ATP8A2: variants seen among roughly 807,000 people sequenced by gnomAD.
ATP8A2 encodes the protein ATPase phospholipid transporting 8A2.
In ATP8A2, 100 loss-of-function variants were observed where a neutral mutation model predicts 165.6. The observed-to-expected ratio is 0.60, with a 90% CI of 0.51 to 0.71. The LOEUF (loss-of-function observed/expected upper bound fraction) is 0.71, where lower values mean the gene tolerates loss of function less well. Ranked by LOEUF, ATP8A2 falls within the 30% of genes least tolerant of loss-of-function variation. The pLI is 0.00. For synonymous variants in ATP8A2, 543 were observed against 548.8 expected, an observed-to-expected ratio of 0.99 and a Z score of 0.15; for missense variants, 1,227 against 1,479.5, an observed-to-expected ratio of 0.83 and a Z score of 2.80.
chr13:25,505,471 C>T (rs1390550405), intron 2 of ATP8A2, among the ~76,000 whole-genome samples: 1 of 152,188 alleles, frequency 6.6e-6, no homozygotes, highest in African/African-American at 2.4e-5. Flanking sequence ...GTCACCTTCA[C>T]ACGTATAATT....
intron 27 of ATP8A2, among the ~76,000 whole-genome samples, chr13:25,799,656 G>A (rs182030659): frequency 1.3e-5 from 2 of 152,262 alleles, no homozygotes; most frequent in East Asian, 3.9e-4. Context: ...CCTTGCCTCC[G>A]TCCCTGAGTG....
rs1051545784 is a variant in ATP8A2, at chr13:26,022,830, C to T, written c.*2845C>T. On this transcript the variant is annotated 3_prime_UTR_variant, in exon 37 of 37. Transcript: ENST00000381655. The stretch of plus-strand genomic sequence containing the variant: ...TCACTCCGCCAGACACTCACTGACT[C>T]ACGGGCTGGCAGGTCACGCTCGGTT... The T allele has an allele frequency of 6.6e-6, 1 of 152,344 alleles. No individual in the cohort carries two copies. The highest frequency in any genetic ancestry group is 1.5e-5 in the Non-Finnish European group (1 of 68,116). 9.4% of individuals were successfully genotyped at this position (152,344 alleles called of 1,614,324 possible).
At position 25,543,276 on chromosome 13, in the gene ATP8A2, G is replaced by GT. The variant is rs2038540479; in HGVS notation, c.780-9dup. 1.3e-6 allele frequency: 2 copies of GT among 1,505,612 alleles called. No homozygotes were observed. The highest frequency in any genetic ancestry group is 1.8e-6 in the Non-Finnish European group (2 of 1,087,616). 93.3% of individuals were successfully genotyped at this position (1,505,612 alleles called of 1,614,324 possible). A position where few individuals can be genotyped will look rare whatever the true frequency, so the allele number is the denominator to read the frequency against. ...CAGACTATCATTAAATATCATTGTT[G>GT]TTTTTTATTTTTAGCCTTGTTGCCC... On this transcript the variant is annotated splice_polypyrimidine_tract_variant and intron_variant, in intron 9 of 36. Coordinates refer to ENST00000381655, the MANE Select transcript of ATP8A2 (RefSeq NM_016529.6).
chr13:25,409,375 C>T (rs2033901210), intron 1 of ATP8A2, among the ~76,000 whole-genome samples: 1 of 152,172 alleles, frequency 6.6e-6, no homozygotes, highest in Admixed American at 6.5e-5. Flanking sequence ...AGATCCTGGA[C>T]ATCCAGGGCT....
intron 6 of ATP8A2, among the ~76,000 whole-genome samples, chr13:25,536,263 C>G (rs990255428): frequency 2.0e-5 from 3 of 147,384 alleles, no homozygotes; most frequent in Admixed American, 6.9e-5. Flanking sequence ...AGGTGCCCAC[C>G]ACCATGCCCG....
intron 1 of ATP8A2, among the ~76,000 whole-genome samples, chr13:25,420,663 A>G (rs4770830): frequency 0.24 from 37,031 of 152,202 alleles, 4,858 homozygotes; most frequent in Middle Eastern, 0.3. Flanking sequence ...ATGTTTACCT[A>G]TGTAACAAGC....
chr13:25,725,009 A>G (rs781775619), intron 25 of ATP8A2, among the ~76,000 whole-genome samples: 36 of 152,200 alleles, frequency 2.4e-4, no homozygotes, highest in Admixed American at 7.8e-4. Context: ...ATGTCACCCT[A>G]GATAGGCAGA....
intron 1 of ATP8A2, among the ~76,000 whole-genome samples, chr13:25,376,694 T>C (rs1593224858): frequency 6.6e-6 from 1 of 152,244 alleles, no homozygotes; most frequent in Non-Finnish European, 1.5e-5. Flanking sequence ...CCCATCGTCA[T>C]CTAAGGCAAA....
chr13:25,575,628 A>G (rs752209651), intron 19 of ATP8A2, among the ~76,000 whole-genome samples: 6 of 152,038 alleles, frequency 3.9e-5, no homozygotes, highest in Non-Finnish European at 7.4e-5. Context: ...TTAGTTTTTT[A>G]TCTTTGTGTA....
chr13:25,719,828 C>T lies in ATP8A2; in HGVS notation c.2384+20483C>T, dbSNP rs114568729. On this transcript the variant is annotated intron_variant, in intron 25 of 36. Transcript: ENST00000381655. ...CTTGCTGGCCTGACTGGCAGGCGAG[C>T]TGTGCCCAGAGCTGGCATCGCTGTG... Among the ~76,000 whole-genome samples the T allele has an allele frequency of 9.1e-3, 1,380 of 152,310 alleles. 12 individuals are homozygous for T. Among genetic ancestry groups the T allele is most frequent in the African/African-American group, 0.031 (1,277 of 41,576 alleles).
intron 26 of ATP8A2, among the ~76,000 whole-genome samples, 175 bp from the exon 27 acceptor site, chr13:25,774,674 A>G (rs560111195): frequency 6.6e-6 from 1 of 152,212 alleles, no homozygotes; most frequent in Non-Finnish European, 1.5e-5. Context: ...GAAGGATTTT[A>G]CTTGTTCTCA....
intron 29 of ATP8A2, among the ~76,000 whole-genome samples, chr13:25,837,832 CA>C (rs1008326185): frequency 1.1e-4 from 17 of 148,114 alleles, no homozygotes; most frequent in Non-Finnish European, 1.8e-4. Context: ...AGAAAGGAAC[CA>C]AAAAAAAATA....
chr13:25,900,214 A>G (rs1409846528), intron 33 of ATP8A2, among the ~76,000 whole-genome samples: 1 of 152,210 alleles, frequency 6.6e-6, no homozygotes, highest in East Asian at 1.9e-4. Flanking sequence ...AGGAGGAGTC[A>G]TGAATATTTA....
chr13:25,557,057 A>G (rs2039002376), intron 13 of ATP8A2, among the ~76,000 whole-genome samples: 2 of 152,218 alleles, frequency 1.3e-5, no homozygotes, highest in South Asian at 2.1e-4. Flanking sequence ...TTATTGCCAG[A>G]AAACTGAGGT....
chr13:25,912,902 A>C (rs1045516108), intron 33 of ATP8A2, among the ~76,000 whole-genome samples: 1 of 152,220 alleles, frequency 6.6e-6, no homozygotes, highest in African/African-American at 2.4e-5. Context: ...TTGTGGAAGC[A>C]CTAAATGCAG....
chr13:25,709,212 T>C (rs544128496), intron 25 of ATP8A2, among the ~76,000 whole-genome samples: 4 of 152,330 alleles, frequency 2.6e-5, no homozygotes, highest in African/African-American at 9.6e-5. Context: ...TTTTTTTCTC[T>C]TACTAAGCAA....
At chr13:25,773,881 T>C (rs2044681261) in intron 26 of ATP8A2, among the ~76,000 whole-genome samples, 1 of 152,188 alleles carries the variant, frequency 6.6e-6, no homozygotes. Context: ...TATCTATGTG[T>C]GTACATCCGT....
intron 35 of ATP8A2, among the ~76,000 whole-genome samples, chr13:25,980,237 A>G (rs1465132184): frequency 1.3e-5 from 2 of 152,136 alleles, no homozygotes; most frequent in Non-Finnish European, 2.9e-5. Context: ...AAGGTCAGTG[A>G]GCACCTTCAT....
chr13:25,539,559 T>A (rs2038403634), intron 7 of ATP8A2, among the ~76,000 whole-genome samples: 1 of 152,132 alleles, frequency 6.6e-6, no homozygotes, highest in African/African-American at 2.4e-5. Context: ...CCAATAACCC[T>A]GGATAGCCTT....
Sources: allele counts gnomAD v4.1 joint callset (sites outside exome capture counted in the v4.1 genomes callset), GRCh38; gene constraint gnomAD v4.1.1; transcripts MANE v1.5; gene names NCBI Gene and HGNC (gene_info 2026-07-23, HGNC 2026-07-21).